CDH13: variants seen among roughly 807,000 people sequenced by gnomAD.
CDH13 encodes cadherin-13.
CDH13 carries 24 observed loss-of-function variants against 63.8 expected under a neutral mutation model. That is an observed-to-expected ratio of 0.38 (90% CI 0.27 to 0.53). CDH13 has a LOEUF of 0.53. CDH13 is among the 20% of genes least tolerant of loss of function. CDH13 has a pLI of 0.85. For missense variants in CDH13, 1,049 were observed against 903.1 expected, an observed-to-expected ratio of 1.16 and a Z score of -2.07; for synonymous variants, 503 against 355.3, an observed-to-expected ratio of 1.42 and a Z score of -4.67.
intron 1 of CDH13, among the ~76,000 whole-genome samples, chr16:82,741,229 C>T (rs1019315589): frequency 6.6e-6 from 1 of 152,206 alleles, no homozygotes; most frequent in Non-Finnish European, 1.5e-5. Flanking sequence ...CAATAACCTT[C>T]ACAGTGTGTG....
At chr16:82,973,268 G>A (rs1168021454) in intron 2 of CDH13, among the ~76,000 whole-genome samples, 5 of 152,134 alleles carry the variant, frequency 3.3e-5, no homozygotes, top group East Asian at 3.8e-4. Flanking sequence ...ATGCTCAGAC[G>A]GTCTGCATCC....
At chr16:82,831,868 A>C (rs182169420) in intron 1 of CDH13, among the ~76,000 whole-genome samples, 3 of 152,190 alleles carry the variant, frequency 2.0e-5, no homozygotes, top group Non-Finnish European at 4.4e-5. Flanking sequence ...CCAGGAAACA[A>C]CCATATCTAG....
intron 6 of CDH13, among the ~76,000 whole-genome samples, chr16:83,359,498 T>C (rs2091121277): frequency 6.6e-6 from 1 of 152,152 alleles, no homozygotes; most frequent in Non-Finnish European, 1.5e-5. Context: ...GGAAAGACTC[T>C]AGAGACCCAT....
chr16:83,572,097 C>A (rs1904678870), intron 7 of CDH13, among the ~76,000 whole-genome samples: 1 of 151,782 alleles, frequency 6.6e-6, no homozygotes. Context: ...GTTAAGTGAT[C>A]AGTAGATGTT....
intron 10 of CDH13, among the ~76,000 whole-genome samples, chr16:83,734,788 G>T (rs1425802079): frequency 6.6e-6 from 1 of 151,164 alleles, no homozygotes; most frequent in Non-Finnish European, 1.5e-5. Flanking sequence ...AGGAAGAGAA[G>T]TTGGTCAGTA....
chr16:83,248,027 C>T (rs1905135935), intron 5 of CDH13, among the ~76,000 whole-genome samples: 1 of 152,122 alleles, frequency 6.6e-6, no homozygotes, highest in Non-Finnish European at 1.5e-5. Context: ...AGTGAGAAGG[C>T]AAGATGAATC....
intron 8 of CDH13, among the ~76,000 whole-genome samples, chr16:83,608,807 C>T (rs1386919926): frequency 6.6e-6 from 1 of 151,984 alleles, no homozygotes; most frequent in Non-Finnish European, 1.5e-5. Flanking sequence ...TGTGCCCAGC[C>T]AGTATTCGCA....
At chr16:83,113,504 G>A (rs74030707) in intron 3 of CDH13, among the ~76,000 whole-genome samples, 5 of 152,232 alleles carry the variant, frequency 3.3e-5, no homozygotes, top group African/African-American at 1.2e-4. Flanking sequence ...AGGGGGCGTA[G>A]CAGCAGACCA....
chr16:83,139,114 A>G (rs1047762191), intron 4 of CDH13, among the ~76,000 whole-genome samples: 19 of 152,130 alleles, frequency 1.2e-4, no homozygotes, highest in African/African-American at 4.6e-4. Flanking sequence ...TTTGAAATAA[A>G]AGAGAACTCT....
chr16:83,075,879 A>G (rs2032799141), intron 3 of CDH13, among the ~76,000 whole-genome samples: 1 of 152,208 alleles, frequency 6.6e-6, no homozygotes, highest in African/African-American at 2.4e-5. Context: ...GCACATATTC[A>G]TGGGCAGAAT....
chr16:83,372,796 TCATCTCTG>T (rs1263184970), intron 6 of CDH13, among the ~76,000 whole-genome samples: 1 of 143,312 alleles, frequency 7.0e-6, no homozygotes, highest in Non-Finnish European at 1.5e-5. Context: ...GAGCGACAAC[TCATCTCTG>T]CATCTCTGCT....
intron 3 of CDH13, among the ~76,000 whole-genome samples, chr16:83,051,490 T>C (rs1256544179): frequency 6.6e-6 from 1 of 152,244 alleles, no homozygotes; most frequent in Non-Finnish European, 1.5e-5. Context: ...GAATTTCTTT[T>C]CATTTTTGCT....
At chr16:83,073,841 T>C (rs1265209110) in intron 3 of CDH13, among the ~76,000 whole-genome samples, 1 of 152,038 alleles carries the variant, frequency 6.6e-6, no homozygotes, top group Non-Finnish European at 1.5e-5. Flanking sequence ...CAGTGACAGA[T>C]TTATTTTTAA....
chr16:82,958,156 A>G (rs573033274), intron 2 of CDH13, among the ~76,000 whole-genome samples: 32 of 152,306 alleles, frequency 2.1e-4, no homozygotes, highest in African/African-American at 7.2e-4. Context: ...TGGCTGTCAG[A>G]TCTTGGAAAA....
At chr16:83,163,819 C>T (rs1394726538) in intron 4 of CDH13, among the ~76,000 whole-genome samples, 3 of 152,078 alleles carry the variant, frequency 2.0e-5, no homozygotes, top group Non-Finnish European at 4.4e-5. Flanking sequence ...TGAGTTAAGG[C>T]TCTGGGATTT....
At chr16:83,170,550 G>A (rs2037873676) in intron 4 of CDH13, among the ~76,000 whole-genome samples, 2 of 152,098 alleles carry the variant, frequency 1.3e-5, no homozygotes, top group South Asian at 4.2e-4. Context: ...TTTCCGGACA[G>A]CTATCTGTCA....
At chr16:82,995,369 G>C (rs1912088749) in intron 2 of CDH13, among the ~76,000 whole-genome samples, 1 of 152,196 alleles carries the variant, frequency 6.6e-6, no homozygotes, top group Admixed American at 6.5e-5. Context: ...ACATGAGTGA[G>C]CGTGATGTTA....
chr16:82,627,545 C>G (rs1306266972), intron 1 of CDH13, among the ~76,000 whole-genome samples: 2 of 152,166 alleles, frequency 1.3e-5, no homozygotes, highest in Non-Finnish European at 2.9e-5. Context: ...GCGGTTTTCC[C>G]CAGCCCAACG....
At chr16:82,973,672 A>G (rs1005909339) in intron 2 of CDH13, among the ~76,000 whole-genome samples, 3 of 152,172 alleles carry the variant, frequency 2.0e-5, no homozygotes, top group African/African-American at 7.2e-5. Context: ...CGGGTCAAGG[A>G]TGGCTTCACT....
Sources: gnomAD v4.1 joint callset for allele counts (sites outside exome capture counted in the v4.1 genomes callset) on GRCh38, gnomAD v4.1.1 for gene constraint, MANE v1.5 for transcripts, NCBI Gene and HGNC (gene_info 2026-07-23, HGNC 2026-07-21) for gene names.